MRAP: variants seen among roughly 807,000 people sequenced by gnomAD.
MRAP encodes melanocortin 2 receptor accessory protein.
MRAP carries 8 observed loss-of-function variants against 8.7 expected under a neutral mutation model. The ratio of observed to expected loss-of-function variants is 0.92; its 90% CI spans 0.54 to 1.66. The LOEUF (loss-of-function observed/expected upper bound fraction) is 1.66. Ranked by LOEUF, MRAP falls within the 40% of genes most tolerant of loss-of-function variation. MRAP has a pLI of 0.00. For missense variants in MRAP, 237 were observed against 217.1 expected (o/e 1.09, Z -0.58); for synonymous variants, 95 against 95.5 (o/e 1.00, Z 0.03).
chr21:32,299,177 G>T (rs2032202523), intron 1 of MRAP, 100 bp downstream of exon 1: 2 of 848,838 alleles, frequency 2.4e-6, no homozygotes, highest in Non-Finnish European at 3.9e-6. Flanking sequence ...ATTAACTCCG[G>T]TAGACATCAT....
At chr21:32,298,790 C>G, upstream of MRAP, 1 of 584,606 alleles carries the variant, frequency 1.7e-6, no homozygotes, top group South Asian at 1.8e-5. Flanking sequence ...GTGAGACACA[C>G]CCCCCTGACC....
intron 1 of MRAP, among the ~76,000 whole-genome samples, chr21:32,305,453 C>T (rs2032391751): frequency 1.3e-5 from 2 of 152,294 alleles, no homozygotes; most frequent in Middle Eastern, 3.4e-3. Context: ...TCACTTTATT[C>T]ATTCTTTCAG....
intron 1 of MRAP, among the ~76,000 whole-genome samples, chr21:32,304,962 G>GTTTTTTTT (rs1319327133): frequency 5.0e-5 from 5 of 100,398 alleles, no homozygotes; most frequent in East Asian, 5.7e-4. Flanking sequence ...TGTTTTTTTT[G>GTTTTTTTT]TTGTTTTTTT....
At chr21:32,301,731 G>A (rs2032302316) in intron 1 of MRAP, among the ~76,000 whole-genome samples, 1 of 151,934 alleles carries the variant, frequency 6.6e-6, no homozygotes, top group South Asian at 2.1e-4. Context: ...TACCTCTCAG[G>A]TCAATATATC....
At chr21:32,305,853 C>G (rs1353714188) in intron 1 of MRAP, among the ~76,000 whole-genome samples, 1 of 151,980 alleles carries the variant, frequency 6.6e-6, no homozygotes, top group Non-Finnish European at 1.5e-5. Flanking sequence ...AGCAACTGGC[C>G]TAACATTCCC....
At chr21:32,303,359 A>G (rs2032332878) in intron 1 of MRAP, among the ~76,000 whole-genome samples, 1 of 152,332 alleles carries the variant, frequency 6.6e-6, no homozygotes. Flanking sequence ...AAAACTGTTT[A>G]TTTAACAAAA....
upstream of MRAP, among the ~76,000 whole-genome samples, chr21:32,294,945 TAACAG>T (rs558692214): frequency 7.9e-5 from 12 of 152,188 alleles, no homozygotes; most frequent in Admixed American, 3.3e-4. Context: ...TTTTTGACAC[TAACAG>T]AAAACATTTA....
Position 32,312,132 on chromosome 21 carries a change from G to A in MRAP, c.*136G>A. The A allele has an allele frequency of 6.5e-7, 1 of 1,543,584 alleles. No individual in the cohort carries two copies. Among genetic ancestry groups the A allele is most frequent in the South Asian group, 1.2e-5 (1 of 84,556 alleles). On this transcript the variant is annotated 3_prime_UTR_variant, in exon 3 of 3. Transcript: ENST00000303645. ...TAGGTCAAGTGCAACTAGAGCAGGA[G>A]CATCCTATGCCTTTGACAAAGATTG...
At chr21:32,297,705 C>G (rs189300569), upstream of MRAP, among the ~76,000 whole-genome samples, 5 of 152,284 alleles carry the variant, frequency 3.3e-5, no homozygotes, top group African/African-American at 1.2e-4. Context: ...TAGGAAATTG[C>G]TTGGTATGGA....
chr21:32,309,705 G>A (rs931033709), intron 2 of MRAP, among the ~76,000 whole-genome samples: 1 of 151,000 alleles, frequency 6.6e-6, no homozygotes, highest in Admixed American at 6.6e-5. Context: ...CACTTTGAGA[G>A]GCCGAGGTGG....
Position 32,298,882 on chromosome 21 carries a change from A to G in MRAP, c.-90A>G. 2 of 876,958 alleles carry G rather than the reference A, an allele frequency of 2.3e-6. No individual in the cohort carries two copies. The highest frequency in any genetic ancestry group is 3.8e-6 in the Non-Finnish European group (2 of 523,444). 54.3% of individuals were successfully genotyped at this position (876,958 alleles called of 1,614,324 possible). ...AGACACACTTGGACGATTCCTGCAG[A>G]AATCAGTGAGGCAGTCTCCTCCCAG... On this transcript the variant is annotated 5_prime_UTR_variant, in exon 1 of 3. Transcript: ENST00000303645.
downstream of MRAP, chr21:32,314,686 T>C: frequency 6.3e-7 from 1 of 1,596,236 alleles, no homozygotes; most frequent in East Asian, 2.2e-5. Flanking sequence ...GGCCTAGAAG[T>C]CCCCACATTC....
At chr21:32,293,331 C>CAA (rs56218980) in intron 2 of MRAP, among the ~76,000 whole-genome samples, 111 of 147,030 alleles carry the variant, frequency 7.5e-4, no homozygotes, top group East Asian at 2.0e-3. Context: ...AACTGTAAGG[C>CAA]AAAAAAAAAA....
chr21:32,306,543 G>A, intron 1 of MRAP, 97 bp from the exon 2 acceptor site: 1 of 936,958 alleles, frequency 1.1e-6, no homozygotes, highest in Non-Finnish European at 1.7e-6. Context: ...GAAACTCAGG[G>A]CCCTCATTCC....
chr21:32,300,253 G>A (rs569903738), intron 1 of MRAP, among the ~76,000 whole-genome samples: 2 of 151,976 alleles, frequency 1.3e-5, no homozygotes, highest in Non-Finnish European at 2.9e-5. Context: ...ACGCAGACCA[G>A]GCATGGTGGC....
At chr21:32,306,096 G>T (rs954050697) in intron 1 of MRAP, among the ~76,000 whole-genome samples, 1 of 152,172 alleles carries the variant, frequency 6.6e-6, no homozygotes, top group Non-Finnish European at 1.5e-5. Context: ...ATCCAGGCAT[G>T]AGCAGACCTA....
At chr21:32,304,788 C>G (rs956968353) in intron 1 of MRAP, among the ~76,000 whole-genome samples, 3 of 151,950 alleles carry the variant, frequency 2.0e-5, no homozygotes, top group Non-Finnish European at 4.4e-5. Flanking sequence ...TTTCTCAGCT[C>G]GGAGACAGAC....
chr21:32,292,101 A>G (rs989539402), intron 1 of MRAP, among the ~76,000 whole-genome samples: 1 of 152,094 alleles, frequency 6.6e-6, no homozygotes, highest in African/African-American at 2.4e-5. Flanking sequence ...TTGACTAGAT[A>G]GTTGATTCAA....
intron 2 of MRAP, among the ~76,000 whole-genome samples, chr21:32,308,997 C>T (rs1300654632): frequency 6.6e-6 from 1 of 152,132 alleles, no homozygotes; most frequent in Admixed American, 6.6e-5. Context: ...CGTGAAGAGC[C>T]GTGGACTCGC....
Sources: gnomAD v4.1 joint callset for allele counts (sites outside exome capture counted in the v4.1 genomes callset) on GRCh38, gnomAD v4.1.1 for gene constraint, MANE v1.5 for transcripts, NCBI Gene and HGNC (gene_info 2026-07-23, HGNC 2026-07-21) for gene names.